Variants in WRN observed in about 807,000 individuals in gnomAD.
The protein encoded by WRN is WRN RecQ like helicase, also known as bifunctional 3'-5' exonuclease/ATP-dependent helicase WRN.
A neutral mutation model predicts 180.7 loss-of-function variants in WRN; 149 were observed. That is an observed-to-expected ratio of 0.82 (90% CI 0.72 to 0.94). The LOEUF is 0.94. WRN is among the 40% of genes least tolerant of loss of function. The probability of loss-of-function intolerance (pLI) is 0.00; values close to 1 mark genes in which losing one functional copy is unlikely to be tolerated. For synonymous variants in WRN, 548 were observed against 568.9 expected, an observed-to-expected ratio of 0.96 and a Z score of 0.52; for missense variants, 1,661 against 1,700.1, an observed-to-expected ratio of 0.98 and a Z score of 0.40.
At chr8:31,054,212 A>G (rs1266152521) in intron 1 of WRN, among the ~76,000 whole-genome samples, 1 of 152,178 alleles carries the variant, frequency 6.6e-6, no homozygotes, top group Non-Finnish European at 1.5e-5. Flanking sequence ...AAGGGAATGC[A>G]TGATAATTTC....
In WRN at chr8:31,132,681, G is replaced by T. The variant is rs948706314; in HGVS notation, c.2967+175G>T. On this transcript the variant is annotated intron_variant, in intron 24 of 34. Coordinates refer to ENST00000298139, the MANE Select transcript of WRN (RefSeq NM_000553.6). Reference sequence around the variant, plus strand: ...ACATTCATTACTTTGGATAAAACCCGTGTGTATGGCATCTTCTGCTGTTTT... The same window carrying T: ...ACATTCATTACTTTGGATAAAACCCTTGTGTATGGCATCTTCTGCTGTTTT... 2.5e-4 allele frequency among the ~76,000 whole-genome samples: 38 copies of T among 152,168 alleles called. 1 individual carries two copies. Among genetic ancestry groups the T allele is most frequent in the Admixed American group, 8.5e-4 (13 of 15,272 alleles).
At chr8:31,113,501 GA>G (rs1801398262) in intron 19 of WRN, among the ~76,000 whole-genome samples, 1 of 152,134 alleles carries the variant, frequency 6.6e-6, no homozygotes, top group Non-Finnish European at 1.5e-5. Flanking sequence ...TCATCCTAAA[GA>G]GGAAAAGTTC....
At chr8:31,108,553 A>C (rs910379579) in intron 18 of WRN, among the ~76,000 whole-genome samples, 1 of 152,132 alleles carries the variant, frequency 6.6e-6, no homozygotes, top group Admixed American at 6.5e-5. Flanking sequence ...AAACAGAGGA[A>C]GCAGCAGCTT....
chr8:31,091,025 ATC>A (rs1813730589), intron 15 of WRN, 83 bp downstream of exon 15: 2 of 1,062,708 alleles, frequency 1.9e-6, no homozygotes, highest in African/African-American at 1.6e-5. Flanking sequence ...GCATGTTAAA[ATC>A]TAGTTCACAA....
At chr8:31,108,461 T>G (rs544595198) in intron 18 of WRN, among the ~76,000 whole-genome samples, 1 of 151,920 alleles carries the variant, frequency 6.6e-6, no homozygotes, top group Non-Finnish European at 1.5e-5. Context: ...TCATTAATTT[T>G]TATTTATTTA....
chr8:31,095,803 G>A (rs901502341), intron 16 of WRN, among the ~76,000 whole-genome samples: 1 of 152,196 alleles, frequency 6.6e-6, no homozygotes, highest in Non-Finnish European at 1.5e-5. Flanking sequence ...TGGAAATCAG[G>A]TAGCGCAAGG....
At chr8:31,089,282 G>T (rs925021671) in intron 13 of WRN, among the ~76,000 whole-genome samples, 1 of 151,952 alleles carries the variant, frequency 6.6e-6, no homozygotes, top group African/African-American at 2.4e-5. Context: ...GAGTGTCTAT[G>T]TGCCTGTTTT....
intron 30 of WRN, among the ~76,000 whole-genome samples, chr8:31,149,261 G>A (rs1318651309): frequency 6.6e-6 from 1 of 151,578 alleles, no homozygotes; most frequent in Non-Finnish European, 1.5e-5. Flanking sequence ...GCCGGGCGTG[G>A]TGGCGGGTGC....
intron 1 of WRN, among the ~76,000 whole-genome samples, chr8:31,055,365 A>G (rs923120625): frequency 6.6e-6 from 1 of 152,174 alleles, no homozygotes; most frequent in Non-Finnish European, 1.5e-5. Flanking sequence ...TCCCACCAAC[A>G]GTGTAAAAGC....
At chr8:31,086,437 G>A (rs905606650) in intron 11 of WRN, among the ~76,000 whole-genome samples, 1 of 152,044 alleles carries the variant, frequency 6.6e-6, no homozygotes, top group Non-Finnish European at 1.5e-5. Context: ...GGCTGGGTGT[G>A]GTGGCATGTG....
rs368931913 is a variant in WRN, at chr8:31,167,003, G to GT, written c.3983-12dup. The GT allele has an allele frequency of 9.4e-4, 1,498 of 1,601,232 alleles. 13 individuals carry two copies. The African/African-American group carries it at 0.015, about 17-fold the overall frequency. The stretch of plus-strand genomic sequence containing the variant: ...TCTCTGTAATTTATTTTGAAATGGA[G>GT]TTTTTTTATCGTTTACAGATATGAG... On this transcript the variant is annotated intron_variant, in intron 33 of 34. Transcript: ENST00000298139.
intron 31 of WRN, among the ~76,000 whole-genome samples, chr8:31,151,487 G>A (rs912405442): frequency 2.6e-5 from 4 of 152,030 alleles, no homozygotes; most frequent in Non-Finnish European, 5.9e-5. Context: ...TCTTATATAA[G>A]ACATCATGTG....
chr8:31,041,332 CCTTA>C (rs1203833117), intron 1 of WRN, among the ~76,000 whole-genome samples: 2 of 152,110 alleles, frequency 1.3e-5, no homozygotes, highest in African/African-American at 2.4e-5. Context: ...GCAGATCTTC[CCTTA>C]CTTAGCCTTT....
At chr8:31,057,441 G>A (rs1812313511) in intron 1 of WRN, among the ~76,000 whole-genome samples, 1 of 152,138 alleles carries the variant, frequency 6.6e-6, no homozygotes, top group Non-Finnish European at 1.5e-5. Flanking sequence ...CTTGGTGGCG[G>A]GCGCCTGTAG....
At chr8:31,162,652 C>T (rs1204667250) in intron 33 of WRN, among the ~76,000 whole-genome samples, 2 of 152,166 alleles carry the variant, frequency 1.3e-5, no homozygotes, top group South Asian at 4.1e-4. Flanking sequence ...AGTTTGTTTA[C>T]ACCATTACCA....
chr8:31,085,002 C>T, intron 10 of WRN, among the ~76,000 whole-genome samples, 164 bp from the exon 11 acceptor site: 1 of 151,678 alleles, frequency 6.6e-6, no homozygotes, highest in Non-Finnish European at 1.5e-5. Context: ...TCTTCTCTCT[C>T]TCCCTTTTTT....
intron 24 of WRN, 84 bp downstream of exon 24, chr8:31,132,590 T>A (rs924497371): frequency 6.3e-7 from 1 of 1,592,806 alleles, no homozygotes; most frequent in African/African-American, 1.3e-5. Flanking sequence ...GTATTATGAT[T>A]GTAGCTTTGA....
In WRN at chr8:31,111,608, C is replaced by A. The variant is rs754769337; in HGVS notation, c.2089-7C>A. ...CCTTTTTAAAATATCAGTTTTACAT[C>A]ATTCAGGTTCCAATCGTTGCACTTA... On this transcript the variant is annotated splice_polypyrimidine_tract_variant and splice_region_variant and intron_variant, in intron 18 of 34. Transcript: ENST00000298139. 1 of 1,613,816 alleles carries A rather than the reference C, an allele frequency of 6.2e-7. No homozygotes were observed.
At chr8:31,132,555 T>G (rs762611365) in intron 24 of WRN, 49 bp downstream of exon 24, 2 of 1,612,538 alleles carry the variant, frequency 1.2e-6, no homozygotes, top group Non-Finnish European at 1.7e-6. Context: ...TTTACTTCTA[T>G]TACACTTTTC....
Sources: allele counts gnomAD v4.1 joint callset (sites outside exome capture counted in the v4.1 genomes callset), GRCh38; gene constraint gnomAD v4.1.1; transcripts MANE v1.5; gene names NCBI Gene and HGNC (gene_info 2026-07-23, HGNC 2026-07-21).